Variants in FAM220A observed in about 807,000 individuals in gnomAD.
The protein encoded by FAM220A is family with sequence similarity 220 member A, also known as protein FAM220A.
For missense variants in FAM220A, 392 were observed against 321.6 expected (o/e 1.22, Z -1.68); for synonymous variants, 141 against 130.7 (o/e 1.08, Z -0.54).
intron 1 of FAM220A, 36 bp from the exon 2 acceptor site, chr7:6,331,271 A>C (rs1360599244): frequency 1.9e-6 from 2 of 1,038,646 alleles, no homozygotes; most frequent in Non-Finnish European, 2.8e-6. Context: ...TCTAAAATGA[A>C]GACACATGGG....
At chr7:6,339,251 T>G (rs552925365) in intron 1 of FAM220A, among the ~76,000 whole-genome samples, 9 of 152,210 alleles carry the variant, frequency 5.9e-5, no homozygotes, top group Admixed American at 2.0e-4. Flanking sequence ...GGAGATCACT[T>G]GAGCCTAGGA....
intron 1 of FAM220A, among the ~76,000 whole-genome samples, chr7:6,343,086 G>C (rs1307516651): frequency 6.7e-6 from 1 of 149,846 alleles, no homozygotes; most frequent in Non-Finnish European, 1.5e-5. Context: ...GAAAAGAAAA[G>C]AAAAAATTGG....
intron 1 of FAM220A, among the ~76,000 whole-genome samples, chr7:6,331,954 C>T (rs1781645135): frequency 6.6e-6 from 1 of 151,378 alleles, no homozygotes; most frequent in Non-Finnish European, 1.5e-5. Flanking sequence ...CCATGTTGGC[C>T]AGGTGAAATT....
intron 1 of FAM220A, among the ~76,000 whole-genome samples, chr7:6,344,287 ACT>A (rs1313295396): frequency 6.6e-6 from 1 of 152,132 alleles, no homozygotes; most frequent in South Asian, 2.1e-4. Context: ...ATGAACAAAA[ACT>A]CTAAAACCTG....
At chr7:6,348,461 G>A (rs1781998102) in intron 1 of FAM220A, 112 bp downstream of exon 1, 1 of 403,322 alleles carries the variant, frequency 2.5e-6, no homozygotes, top group South Asian at 1.0e-4. Flanking sequence ...AATGCACGGT[G>A]CTTGACATAC....
chr7:6,348,693 C>G lies in FAM220A; in HGVS notation c.-202G>C. 1 of 450,968 alleles carries G rather than the reference C, an allele frequency of 2.2e-6. No homozygotes were observed. Among genetic ancestry groups the G allele is most frequent in the Non-Finnish European group, 3.9e-6 (1 of 254,494 alleles). 27.9% of individuals were successfully genotyped at this position (450,968 alleles called of 1,614,324 possible). On this transcript the variant is annotated 5_prime_UTR_variant, in exon 1 of 2. Coordinates refer to ENST00000313324, the MANE Select transcript of FAM220A (RefSeq NM_001037163.2). ...TGCGAGTCAGCCCCTTGCAGAAGAC[C>G]CCATAGGAGCGGGCGGCGGCCGAGC...
intron 1 of FAM220A, among the ~76,000 whole-genome samples, chr7:6,336,390 A>G (rs531393066): frequency 2.0e-5 from 3 of 151,262 alleles, no homozygotes; most frequent in African/African-American, 4.8e-5. Context: ...AACCACATAA[A>G]AGAATACAGG....
chr7:6,336,663 G>C (rs536062882), intron 1 of FAM220A, among the ~76,000 whole-genome samples: 7 of 149,270 alleles, frequency 4.7e-5, no homozygotes, highest in African/African-American at 1.7e-4. Flanking sequence ...CAGCCTGAGA[G>C]AGCGAGCAAG....
intron 1 of FAM220A, among the ~76,000 whole-genome samples, chr7:6,341,694 A>C (rs1305508342): frequency 6.6e-6 from 1 of 151,086 alleles, no homozygotes; most frequent in African/African-American, 2.4e-5. Context: ...TGTCAAAAAA[A>C]AAAAAAAAAA....
intron 1 of FAM220A, among the ~76,000 whole-genome samples, chr7:6,333,841 T>C (rs1482728026): frequency 1.7e-5 from 2 of 120,732 alleles, no homozygotes; most frequent in South Asian, 2.7e-4. Context: ...TCCTGGCCTC[T>C]TTTTTTTTTT....
chr7:6,337,866 C>G (rs1418024448), intron 1 of FAM220A, among the ~76,000 whole-genome samples: 1 of 151,482 alleles, frequency 6.6e-6, no homozygotes, highest in Non-Finnish European at 1.5e-5. Context: ...TGCAGTGGTG[C>G]AATCTTGGCT....
At position 6,330,542 on chromosome 7, in the gene FAM220A, T is replaced by G; in HGVS notation, c.613A>C (p.Ser205Arg). ...AGGAAAATGCGTTTTGTCTCCTCAC[T>G]CAGGAGCACTTCGGGATACACGTGC... ...TLHVYPEVLL[S>R]EETKRIFLDR... Residue 205 changes from serine (S) to arginine (R), a missense_variant, in exon 2 of 2, where the codon AGT becomes CGT. Physicochemically the swap from Ser to Arg is moderately radical, Grantham distance 110. Transcript: ENST00000313324. 6.2e-7 allele frequency: 1 copy of G among 1,614,162 alleles called. No homozygotes were observed. Among genetic ancestry groups the G allele is most frequent in the East Asian group, 2.2e-5 (1 of 44,884 alleles).
intron 1 of FAM220A, among the ~76,000 whole-genome samples, chr7:6,340,627 C>T (rs886828317): frequency 5.9e-5 from 9 of 152,092 alleles, no homozygotes; most frequent in African/African-American, 2.2e-4. Context: ...TGAGTGCTGG[C>T]TGGGCATGGT....
intron 1 of FAM220A, among the ~76,000 whole-genome samples, chr7:6,342,630 C>T (rs1158308928): frequency 2.0e-5 from 3 of 152,056 alleles, no homozygotes; most frequent in Non-Finnish European, 1.5e-5. Flanking sequence ...AAATAAAAAC[C>T]GATGTCCACA....
chr7:6,337,127 A>G (rs1364846448), intron 1 of FAM220A, among the ~76,000 whole-genome samples: 2 of 150,438 alleles, frequency 1.3e-5, no homozygotes. Flanking sequence ...GCTGGAGTGC[A>G]GTGGCGCAAT....
chr7:6,342,211 TCTTA>T (rs1419069150), intron 1 of FAM220A, among the ~76,000 whole-genome samples: 2 of 152,206 alleles, frequency 1.3e-5, no homozygotes, highest in African/African-American at 4.8e-5. Flanking sequence ...TTTCTTTGTT[TCTTA>T]CTTTCTCTTT....
rs929917864 is a variant in FAM220A at position 6,333,095 on chromosome 7, T to C, written c.-81-1860A>G. On this transcript the variant is annotated intron_variant, in intron 1 of 1. Coordinates refer to ENST00000313324, the MANE Select transcript of FAM220A (RefSeq NM_001037163.2). Reference sequence around the variant, plus strand: ...TTGCGTGAACCCGGGAGGCAGAGGTTGCAGTGAGCCGAGATCCCACCACTG... The same window carrying C: ...TTGCGTGAACCCGGGAGGCAGAGGTCGCAGTGAGCCGAGATCCCACCACTG... Among the ~76,000 whole-genome samples the C allele has an allele frequency of 1.2e-4, 18 of 149,248 alleles. No individual in the cohort carries two copies. In the Admixed American group the frequency reaches 1.2e-3, roughly 10 times the overall value.
intron 1 of FAM220A, among the ~76,000 whole-genome samples, chr7:6,340,474 G>A (rs1025343658): frequency 2.0e-5 from 3 of 152,076 alleles, no homozygotes; most frequent in South Asian, 2.1e-4. Context: ...ACCTGGAGTC[G>A]GCTGAAGCAC....
At chr7:6,336,316 C>A (rs1022944867) in intron 1 of FAM220A, among the ~76,000 whole-genome samples, 1 of 151,978 alleles carries the variant, frequency 6.6e-6, no homozygotes, top group Non-Finnish European at 1.5e-5. Flanking sequence ...CCACTATACT[C>A]CAGCCTGCGC....
Sources: gnomAD v4.1 joint callset for allele counts (sites outside exome capture counted in the v4.1 genomes callset) on GRCh38, gnomAD v4.1.1 for gene constraint, MANE v1.5 for transcripts, NCBI Gene and HGNC (gene_info 2026-07-23, HGNC 2026-07-21) for gene names.